The following PDE7A variants were observed in gnomAD, a reference collection of about 807,000 sequenced individuals.
PDE7A encodes the protein phosphodiesterase 7A.
In PDE7A, 39 loss-of-function variants were observed where a neutral mutation model predicts 64.3. That is an observed-to-expected ratio of 0.61 (90% CI 0.47 to 0.79). PDE7A has a LOEUF of 0.79. PDE7A is among the 30% of genes least tolerant of loss of function. The pLI, the probability that PDE7A is intolerant of heterozygous loss-of-function variation, is 0.00. For missense variants in PDE7A, 470 were observed against 582.8 expected (o/e 0.81, Z 1.99); for synonymous variants, 203 against 206.8 (o/e 0.98, Z 0.16).
intron 1 of PDE7A, among the ~76,000 whole-genome samples, chr8:65,829,262 A>T (rs1376904636): frequency 6.6e-6 from 1 of 152,164 alleles, no homozygotes; most frequent in Non-Finnish European, 1.5e-5. Context: ...GTCTTTCTTT[A>T]TAAAAGGTTA....
intron 1 of PDE7A, among the ~76,000 whole-genome samples, chr8:65,829,519 G>C (rs1256621464): frequency 6.6e-6 from 1 of 152,080 alleles, no homozygotes; most frequent in Admixed American, 6.6e-5. Context: ...GACGGCAACT[G>C]AAAGAATTCC....
intron 6 of PDE7A, among the ~76,000 whole-genome samples, chr8:65,737,666 A>G (rs766602380): frequency 6.6e-6 from 1 of 151,942 alleles, no homozygotes; most frequent in Non-Finnish European, 1.5e-5. Flanking sequence ...TTACAGGCAC[A>G]TGCCTCCACA....
At chr8:65,754,250 C>T (rs373058314) in intron 3 of PDE7A, among the ~76,000 whole-genome samples, 51 of 152,170 alleles carry the variant, frequency 3.4e-4, no homozygotes, top group African/African-American at 1.1e-3. Flanking sequence ...GGTGCCCCCC[C>T]GCCCCAAGAT....
chr8:65,798,202 A>ATTTT (rs1357141539), intron 1 of PDE7A, among the ~76,000 whole-genome samples: 2 of 24,556 alleles, frequency 8.1e-5, no homozygotes, highest in African/African-American at 2.7e-4. Context: ...ATATATATAT[A>ATTTT]TATATTTTTT....
At position 65,806,174 on chromosome 8, in the gene PDE7A, G is replaced by A. The variant is rs1055431200; in HGVS notation, c.139-23331C>T. The stretch of plus-strand genomic sequence containing the variant: ...TGACTAACTGTAAAAGTAGAAGTAC[G>A]AAATATTTACAATCATTTGAAGTAA... On this transcript the variant is annotated intron_variant, in intron 1 of 12. Transcript: ENST00000401827. Among the ~76,000 whole-genome samples the A allele has an allele frequency of 4.6e-5, 7 of 152,082 alleles. 1 individual carries two copies. The highest frequency in any genetic ancestry group is 2.1e-4 in the South Asian group (1 of 4,830).
At chr8:65,769,455 G>A (rs946227490) in intron 3 of PDE7A, among the ~76,000 whole-genome samples, 3 of 152,068 alleles carry the variant, frequency 2.0e-5, no homozygotes, top group African/African-American at 7.2e-5. Flanking sequence ...ACTACTTCTT[G>A]GCTAGAAGAA....
intron 1 of PDE7A, among the ~76,000 whole-genome samples, chr8:65,839,431 G>A (rs1358685646): frequency 6.6e-6 from 1 of 150,522 alleles, no homozygotes; most frequent in South Asian, 2.1e-4. Context: ...TTCACATCTA[G>A]GCCTAAAGAA....
chr8:65,737,959 A>G (rs918240218), intron 6 of PDE7A, among the ~76,000 whole-genome samples: 1 of 152,250 alleles, frequency 6.6e-6, no homozygotes, highest in Admixed American at 6.5e-5. Flanking sequence ...GATTTTAAAA[A>G]GGATATCAAA....
chr8:65,837,424 T>C (rs1435078681), intron 1 of PDE7A, among the ~76,000 whole-genome samples: 3 of 152,238 alleles, frequency 2.0e-5, no homozygotes, highest in Non-Finnish European at 4.4e-5. Flanking sequence ...TTTTGGATTT[T>C]GGAGTATTTG....
At chr8:65,782,293 T>A (rs1809441238) in intron 2 of PDE7A, among the ~76,000 whole-genome samples, 1 of 152,208 alleles carries the variant, frequency 6.6e-6, no homozygotes, top group African/African-American at 2.4e-5. Flanking sequence ...TATACGCACA[T>A]ATCTAAATTC....
chr8:65,745,193 C>G, intron 5 of PDE7A, among the ~76,000 whole-genome samples: 1 of 152,210 alleles, frequency 6.6e-6, no homozygotes, highest in Non-Finnish European at 1.5e-5. Flanking sequence ...GCCTCCCCAG[C>G]CACATGGAAC....
intron 3 of PDE7A, among the ~76,000 whole-genome samples, chr8:65,765,280 G>C (rs1316794340): frequency 1.3e-5 from 2 of 151,580 alleles, no homozygotes; most frequent in South Asian, 2.1e-4. Flanking sequence ...ACGAGGTCAG[G>C]AGATCGAGAC....
At chr8:65,740,978 G>A (rs534974812) in intron 5 of PDE7A, among the ~76,000 whole-genome samples, 22 of 152,200 alleles carry the variant, frequency 1.4e-4, no homozygotes, top group South Asian at 1.2e-3. Context: ...GACTGTTTTC[G>A]TCCTCAACGT....
chr8:65,836,912 T>A (rs1255221414), intron 1 of PDE7A, among the ~76,000 whole-genome samples: 2 of 152,062 alleles, frequency 1.3e-5, no homozygotes, highest in Non-Finnish European at 1.5e-5. Context: ...TCCTTCCTCC[T>A]CCCCCTACAT....
rs1806080571 is a variant in PDE7A at position 65,715,133 on chromosome 8, TTC to T, written c.*4155_*4156del. Among the ~76,000 whole-genome samples, 3 of 152,172 alleles carry T rather than the reference TTC, an allele frequency of 2.0e-5. No homozygotes were observed. Among genetic ancestry groups the T allele is most frequent in the Non-Finnish European group, 2.9e-5 (2 of 68,038 alleles). Reference sequence around the variant, plus strand: ...TCTCCCATGTAAAATAAATTTTGCATTCTGTTCTGTAATATTTACTTGCTTTT... The same window carrying T: ...TCTCCCATGTAAAATAAATTTTGCATTGTTCTGTAATATTTACTTGCTTTT... On this transcript the variant is annotated 3_prime_UTR_variant, in exon 13 of 13. Coordinates refer to ENST00000401827, the MANE Select transcript of PDE7A (RefSeq NM_001242318.3).
chr8:65,718,201 A>G lies in PDE7A; in HGVS notation c.*1089T>C, dbSNP rs1423190904. 1 of 152,226 alleles carries G rather than the reference A, an allele frequency of 6.6e-6. No individual in the cohort carries two copies. The highest frequency in any genetic ancestry group is 2.4e-5 in the African/African-American group (1 of 41,460). The allele number at this position is 152,226 out of a possible 1,614,324, so 9.4% of individuals were successfully genotyped here. On this transcript the variant is annotated 3_prime_UTR_variant, in exon 13 of 13. Coordinates refer to ENST00000401827, the MANE Select transcript of PDE7A (RefSeq NM_001242318.3). ...GTGGCTGCTCATTATGTCACATTCT[A>G]AAATAATAAATAAAAGCTTACATTT...
chr8:65,785,921 T>C (rs1163010065), intron 1 of PDE7A, among the ~76,000 whole-genome samples: 2 of 152,106 alleles, frequency 1.3e-5, no homozygotes, highest in African/African-American at 4.8e-5. Flanking sequence ...CATTAAGGAT[T>C]GTGAAAGACT....
chr8:65,734,346 T>G (rs886102268), intron 7 of PDE7A, among the ~76,000 whole-genome samples: 3 of 152,194 alleles, frequency 2.0e-5, no homozygotes, highest in African/African-American at 7.2e-5. Flanking sequence ...GCCACTCTGC[T>G]CTCTTCCATG....
intron 1 of PDE7A, among the ~76,000 whole-genome samples, chr8:65,812,091 C>T (rs1465292951): frequency 1.3e-5 from 2 of 151,868 alleles, no homozygotes; most frequent in East Asian, 1.9e-4. Context: ...TCTGTGGTCC[C>T]GGCTACTCAG....
Sources: gnomAD v4.1 joint callset for allele counts (sites outside exome capture counted in the v4.1 genomes callset) on GRCh38, gnomAD v4.1.1 for gene constraint, MANE v1.5 for transcripts, NCBI Gene and HGNC (gene_info 2026-07-23, HGNC 2026-07-21) for gene names.